CPNE4: variants seen among roughly 807,000 people sequenced by gnomAD.
CPNE4 encodes the protein copine 4.
Under a neutral mutation model 67.9 loss-of-function variants are expected in CPNE4, and 25 were observed. That is an observed-to-expected ratio of 0.37 (90% CI 0.27 to 0.51). The LOEUF is 0.51. Ranked by LOEUF, CPNE4 falls within the 20% of genes least tolerant of loss-of-function variation. The pLI is 0.93. For synonymous variants in CPNE4, 242 were observed against 244.9 expected (o/e 0.99, Z 0.11); for missense variants, 464 against 690.8 (o/e 0.67, Z 3.68).
rs867060779 is a variant in CPNE4, at chr3:131,810,388, C to T, written c.181-86763G>A. 3.4e-4 allele frequency among the ~76,000 whole-genome samples: 51 copies of T among 151,882 alleles called. 1 individual carries two copies. The highest frequency in any genetic ancestry group is 1.5e-4 in the Non-Finnish European group (10 of 67,898). The stretch of plus-strand genomic sequence containing the variant: ...AATAGAAAACAAAATTCCCAAATAA[C>T]CTGATTGTAAAATGGCAAAGGATCC... On this transcript the variant is annotated intron_variant, in intron 2 of 15. Transcript: ENST00000429747.
intron 13 of CPNE4, among the ~76,000 whole-genome samples, chr3:131,551,489 C>T (rs1253793159): frequency 2.0e-5 from 3 of 152,054 alleles, no homozygotes; most frequent in East Asian, 3.9e-4. Context: ...ACCACTCTTA[C>T]AGTTGCAGAA....
chr3:131,901,116 T>G (rs139203432), intron 2 of CPNE4, among the ~76,000 whole-genome samples: 1 of 152,100 alleles, frequency 6.6e-6, no homozygotes. Context: ...TACCCAGGCA[T>G]GCCCAGGAAT....
At chr3:131,689,613 T>G (rs1455914201) in intron 5 of CPNE4, among the ~76,000 whole-genome samples, 1 of 152,138 alleles carries the variant, frequency 6.6e-6, no homozygotes, top group East Asian at 1.9e-4. Context: ...AACATCATAC[T>G]GAATGGGCAA....
At chr3:131,996,518 A>G (rs570186932) in intron 1 of CPNE4, among the ~76,000 whole-genome samples, 1 of 151,998 alleles carries the variant, frequency 6.6e-6, no homozygotes, top group South Asian at 2.1e-4. Flanking sequence ...GGGGAGAGAG[A>G]GTCCACGATA....
intron 1 of CPNE4, among the ~76,000 whole-genome samples, chr3:131,964,055 G>A (rs1258886141): frequency 3.9e-5 from 6 of 152,178 alleles, no homozygotes; most frequent in Non-Finnish European, 7.4e-5. Flanking sequence ...CTGCTCTGCA[G>A]CCTCCACTGG....
chr3:131,618,442 A>G (rs957030740), intron 7 of CPNE4, among the ~76,000 whole-genome samples: 3 of 152,156 alleles, frequency 2.0e-5, no homozygotes, highest in African/African-American at 7.2e-5. Flanking sequence ...GAAGTATACA[A>G]CACATTATTA....
chr3:131,933,083 T>C (rs958839308), intron 1 of CPNE4, among the ~76,000 whole-genome samples: 4 of 152,068 alleles, frequency 2.6e-5, no homozygotes, highest in African/African-American at 9.7e-5. Context: ...AATGTGAAGC[T>C]TGAGAGGTAG....
chr3:131,753,846 G>A (rs1466679126), intron 2 of CPNE4, among the ~76,000 whole-genome samples: 2 of 151,984 alleles, frequency 1.3e-5, no homozygotes, highest in African/African-American at 4.8e-5. Context: ...TACAGACTTT[G>A]GGGCAAACTA....
chr3:131,877,465 C>G (rs12629564), intron 2 of CPNE4, among the ~76,000 whole-genome samples: 96,356 of 151,992 alleles, frequency 0.63, 30,769 homozygotes, highest in Admixed American at 0.72. Flanking sequence ...GATCCTCTAG[C>G]CTAGTTTTCT....
chr3:131,904,702 G>T (rs1427067431), intron 2 of CPNE4, among the ~76,000 whole-genome samples: 1 of 152,110 alleles, frequency 6.6e-6, no homozygotes, highest in Admixed American at 6.6e-5. Context: ...TCATGGGACT[G>T]ACTTGCTCAT....
chr3:131,891,975 T>C (rs2088135986), intron 2 of CPNE4, among the ~76,000 whole-genome samples: 1 of 152,002 alleles, frequency 6.6e-6, no homozygotes, highest in South Asian at 2.1e-4. Flanking sequence ...AAGGGCACCA[T>C]GGGAATGGCA....
intron 2 of CPNE4, among the ~76,000 whole-genome samples, chr3:131,804,692 A>T (rs1237994610): frequency 6.6e-6 from 1 of 152,174 alleles, no homozygotes; most frequent in Non-Finnish European, 1.5e-5. Context: ...TAGAAGTGGC[A>T]GCGTGCCTGT....
chr3:131,693,583 G>A (rs2081080638), intron 5 of CPNE4, among the ~76,000 whole-genome samples: 1 of 152,084 alleles, frequency 6.6e-6, no homozygotes, highest in Non-Finnish European at 1.5e-5. Flanking sequence ...TGCAGCCTCT[G>A]GAAAACTCCA....
chr3:131,723,074 G>C (rs778995250), intron 3 of CPNE4, among the ~76,000 whole-genome samples: 14 of 152,330 alleles, frequency 9.2e-5, no homozygotes, highest in Admixed American at 5.2e-4. Context: ...CTGCATAGGG[G>C]TTCTCACAGC....
intron 2 of CPNE4, among the ~76,000 whole-genome samples, chr3:131,814,251 C>T (rs1022208225): frequency 1.3e-5 from 2 of 150,082 alleles, no homozygotes; most frequent in Non-Finnish European, 2.9e-5. Flanking sequence ...GACAGTAGAG[C>T]TTGGCATAAG....
chr3:131,890,351 C>T (rs1583410310), intron 2 of CPNE4, among the ~76,000 whole-genome samples: 1 of 151,440 alleles, frequency 6.6e-6, no homozygotes, highest in Non-Finnish European at 1.5e-5. Context: ...TAACATCACT[C>T]ATCAGCAAGG....
chr3:131,999,381 CA>C (rs2073372770), intron 1 of CPNE4, among the ~76,000 whole-genome samples: 1 of 151,396 alleles, frequency 6.6e-6, no homozygotes, highest in African/African-American at 2.4e-5. Context: ...TCTAGCAATT[CA>C]AAGGAATAAG....
At chr3:131,723,224 A>T (rs2081929592) in intron 3 of CPNE4, among the ~76,000 whole-genome samples, 1 of 152,190 alleles carries the variant, frequency 6.6e-6, no homozygotes. Flanking sequence ...CAGAAGAGAA[A>T]GTTCTGAATT....
chr3:131,684,631 G>C (rs1458276423), intron 6 of CPNE4, among the ~76,000 whole-genome samples: 1 of 152,066 alleles, frequency 6.6e-6, no homozygotes, highest in Non-Finnish European at 1.5e-5. Context: ...TGATGTTTTG[G>C]GGATATAGCA....
Sources: allele counts gnomAD v4.1 joint callset (sites outside exome capture counted in the v4.1 genomes callset), GRCh38; gene constraint gnomAD v4.1.1; transcripts MANE v1.5; gene names NCBI Gene and HGNC (gene_info 2026-07-23, HGNC 2026-07-21).